Variants in KCNIP4 observed in about 807,000 individuals in gnomAD.
KCNIP4 encodes the protein potassium voltage-gated channel interacting protein 4.
In KCNIP4, 12 loss-of-function variants were observed where a neutral mutation model predicts 34.0. The observed-to-expected ratio is 0.35, with a 90% CI of 0.23 to 0.57. The LOEUF is 0.57. Among genes scored for constraint, KCNIP4 ranks in the 20% least tolerant of loss-of-function variants. The pLI is 0.83. For missense variants in KCNIP4, 238 were observed against 311.7 expected (o/e 0.76, Z 1.78); for synonymous variants, 124 against 102.2 (o/e 1.21, Z -1.29).
chr4:21,619,829 A>C (rs1222333095), intron 1 of KCNIP4, among the ~76,000 whole-genome samples: 6 of 152,192 alleles, frequency 3.9e-5, no homozygotes, highest in Admixed American at 2.0e-4. Flanking sequence ...GAAGGCAAAA[A>C]CTCAGATATT....
At chr4:21,251,954 A>C (rs1054636165) in intron 1 of KCNIP4, among the ~76,000 whole-genome samples, 2 of 151,782 alleles carry the variant, frequency 1.3e-5, no homozygotes, top group African/African-American at 4.8e-5. Context: ...TGGCACATGT[A>C]TACACATGTA....
At chr4:21,554,772 A>G (rs1738855113) in intron 1 of KCNIP4, among the ~76,000 whole-genome samples, 1 of 151,918 alleles carries the variant, frequency 6.6e-6, no homozygotes, top group Admixed American at 6.6e-5. Context: ...TTCTCCTATC[A>G]TTACCATCTG....
intron 1 of KCNIP4, among the ~76,000 whole-genome samples, chr4:21,118,418 C>T (rs1341887493): frequency 2.0e-5 from 3 of 152,120 alleles, no homozygotes; most frequent in Admixed American, 1.3e-4. Flanking sequence ...AGAAGATGCT[C>T]CACTTCTAGG....
chr4:21,867,486 C>T (rs1245425235), intron 1 of KCNIP4, among the ~76,000 whole-genome samples: 1 of 152,192 alleles, frequency 6.6e-6, no homozygotes, highest in Non-Finnish European at 1.5e-5. Flanking sequence ...CAATACTGGA[C>T]AGCAGCTTCT....
intron 1 of KCNIP4, among the ~76,000 whole-genome samples, chr4:21,479,791 G>T (rs1402719723): frequency 6.6e-6 from 1 of 151,774 alleles, no homozygotes; most frequent in Non-Finnish European, 1.5e-5. Context: ...AATTTTTAAG[G>T]ATAGATACAA....
chr4:21,007,779 C>T (rs1738705672), intron 1 of KCNIP4, among the ~76,000 whole-genome samples: 1 of 152,160 alleles, frequency 6.6e-6, no homozygotes, highest in African/African-American at 2.4e-5. Context: ...TCCCAGGTGA[C>T]AGTAAATGAG....
chr4:21,912,872 C>A (rs1484133476), intron 1 of KCNIP4, among the ~76,000 whole-genome samples: 1 of 150,406 alleles, frequency 6.6e-6, no homozygotes, highest in South Asian at 2.1e-4. Context: ...CCCTTCATTG[C>A]AATAAGAAGC....
At chr4:21,031,775 C>G (rs1741047527) in intron 1 of KCNIP4, among the ~76,000 whole-genome samples, 1 of 152,154 alleles carries the variant, frequency 6.6e-6, no homozygotes, top group East Asian at 1.9e-4. Context: ...GTTATGTAGT[C>G]TGGTCCCTCC....
chr4:21,517,606 T>TA (rs1384976822), intron 1 of KCNIP4, among the ~76,000 whole-genome samples: 7 of 152,134 alleles, frequency 4.6e-5, no homozygotes, highest in African/African-American at 1.7e-4. Context: ...TGATTTTTTT[T>TA]ATCCTGCCTA....
intron 1 of KCNIP4, among the ~76,000 whole-genome samples, chr4:21,316,835 T>C (rs898006102): frequency 2.6e-5 from 4 of 152,222 alleles, no homozygotes; most frequent in Non-Finnish European, 5.9e-5. Flanking sequence ...GTATTGAACA[T>C]TCAAATGCAT....
At chr4:21,515,105 C>T (rs912827101) in intron 1 of KCNIP4, among the ~76,000 whole-genome samples, 1 of 152,134 alleles carries the variant, frequency 6.6e-6, no homozygotes, top group Non-Finnish European at 1.5e-5. Context: ...TCCTTCTTTA[C>T]CAAGCTGGTT....
At chr4:21,723,038 G>A (rs901278889) in intron 1 of KCNIP4, among the ~76,000 whole-genome samples, 1 of 152,070 alleles carries the variant, frequency 6.6e-6, no homozygotes, top group Non-Finnish European at 1.5e-5. Flanking sequence ...CTAGACATTT[G>A]TTTTACATAT....
rs569896736 is a variant in KCNIP4, at chr4:21,176,278, G to A, written c.62-293569C>T. 8.7e-4 allele frequency among the ~76,000 whole-genome samples: 132 copies of A among 152,234 alleles called. 1 individual carries two copies. Among genetic ancestry groups the A allele is most frequent in the African/African-American group, 3.0e-3 (123 of 41,536 alleles). On this transcript the variant is annotated intron_variant, in intron 1 of 8. Coordinates refer to ENST00000382152, the MANE Select transcript of KCNIP4 (RefSeq NM_025221.6). The stretch of plus-strand genomic sequence containing the variant: ...TCTCCTCTGAAAAGTGAGAAAGCTG[G>A]ACTAGATTCCTGTCTCACAGTTGGA...
intron 1 of KCNIP4, among the ~76,000 whole-genome samples, chr4:21,053,411 G>T (rs1743106693): frequency 6.6e-6 from 1 of 152,120 alleles, no homozygotes; most frequent in Non-Finnish European, 1.5e-5. Flanking sequence ...AGCTAACATT[G>T]TACTTAAGGT....
intron 1 of KCNIP4, among the ~76,000 whole-genome samples, chr4:21,810,717 CAG>C (rs66522191): frequency 0.36 from 44,268 of 122,574 alleles, 9,788 homozygotes; most frequent in East Asian, 0.67. Context: ...AAAAAAAAAT[CAG>C]AGAGAATTTT....
At chr4:21,662,909 A>G (rs1012331855) in intron 1 of KCNIP4, among the ~76,000 whole-genome samples, 2 of 152,234 alleles carry the variant, frequency 1.3e-5, no homozygotes, top group African/African-American at 4.8e-5. Context: ...CAAAGAAAAT[A>G]AAATGCAAAG....
intron 1 of KCNIP4, among the ~76,000 whole-genome samples, chr4:21,391,229 C>G (rs971701332): frequency 6.6e-6 from 1 of 152,086 alleles, no homozygotes; most frequent in African/African-American, 2.4e-5. Context: ...GTTCCAAATA[C>G]TTTATAATTA....
At chr4:21,171,152 T>C (rs1753995702) in intron 1 of KCNIP4, among the ~76,000 whole-genome samples, 1 of 152,192 alleles carries the variant, frequency 6.6e-6, no homozygotes, top group Non-Finnish European at 1.5e-5. Flanking sequence ...AACTTCTAAT[T>C]ATGCTTTCAG....
At chr4:20,808,657 T>A (rs1715370827) in intron 3 of KCNIP4, among the ~76,000 whole-genome samples, 2 of 152,194 alleles carry the variant, frequency 1.3e-5, no homozygotes, top group Admixed American at 6.5e-5. Context: ...TCCTCTTGTG[T>A]CCTGGGAAAC....
Sources: gnomAD v4.1 joint callset for allele counts (sites outside exome capture counted in the v4.1 genomes callset) on GRCh38, gnomAD v4.1.1 for gene constraint, MANE v1.5 for transcripts, NCBI Gene and HGNC (gene_info 2026-07-23, HGNC 2026-07-21) for gene names.